CASP8: variants seen among roughly 807,000 people sequenced by gnomAD.
CASP8 encodes the protein caspase 8.
In CASP8, 24 loss-of-function variants were observed where a neutral mutation model predicts 46.3. The ratio of observed to expected loss-of-function variants is 0.52; its 90% CI spans 0.38 to 0.73. CASP8 has a LOEUF of 0.73. CASP8 is among the 30% of genes least tolerant of loss of function. The pLI, the probability that CASP8 is intolerant of heterozygous loss-of-function variation, is 0.00. For missense variants in CASP8, 460 were observed against 559.0 expected (o/e 0.82, Z 1.79); for synonymous variants, 188 against 200.4 (o/e 0.94, Z 0.52).
At chr2:201,240,072 T>A (rs1946239104) in intron 2 of CASP8, among the ~76,000 whole-genome samples, 1 of 152,164 alleles carries the variant, frequency 6.6e-6, no homozygotes, top group South Asian at 2.1e-4. Context: ...ATTTTTAGCA[T>A]GTGGGAGGTA....
At chr2:201,269,565 T>C in intron 2 of CASP8, 1 of 1,613,540 alleles carries the variant, frequency 6.2e-7, no homozygotes, top group Non-Finnish European at 8.5e-7. Flanking sequence ...CCAGACACAG[T>C]CTGTACCTTT....
chr2:201,269,469 G>C (rs1948083073), intron 2 of CASP8: 2 of 1,407,076 alleles, frequency 1.4e-6, no homozygotes, highest in Non-Finnish European at 2.0e-6. Context: ...GGAAAGCCGA[G>C]GGGGGTCTCA....
In CASP8 at chr2:201,272,232, C is replaced by G. The variant is rs1559357298; in HGVS notation, c.412-406C>G. The stretch of plus-strand genomic sequence containing the variant: ...CTGTGTGTGTATGTGCATGTGGTGT[C>G]TGTGTGTGTGTGTCTGTGTGTCTGT... On this transcript the variant is annotated intron_variant, in intron 3 of 8. Transcript: ENST00000673742. The surrounding 1 kb of genome is among the most constrained non-coding windows in gnomAD (Gnocchi z 4.4). Among the ~76,000 whole-genome samples the G allele has an allele frequency of 2.0e-5, 3 of 151,112 alleles. No individual in the cohort carries two copies. The highest frequency in any genetic ancestry group is 6.8e-3 in the Middle Eastern group (2 of 294).
intron 7 of CASP8, among the ~76,000 whole-genome samples, chr2:201,281,140 C>A (rs1948973296): frequency 6.6e-6 from 1 of 151,934 alleles, no homozygotes; most frequent in African/African-American, 2.4e-5. Context: ...ATGGCGAAAC[C>A]CTGTCTCTAC....
intron 2 of CASP8, chr2:201,242,220 G>C (rs1423500741): frequency 6.6e-6 from 1 of 152,194 alleles, no homozygotes; most frequent in Non-Finnish European, 1.5e-5. Flanking sequence ...GAAGAGAAGA[G>C]AGAGCTCAGA....
intron 6 of CASP8, among the ~76,000 whole-genome samples, chr2:201,276,515 T>A (rs1280132364): frequency 6.6e-6 from 1 of 152,190 alleles, no homozygotes; most frequent in Non-Finnish European, 1.5e-5. Flanking sequence ...GTTATGAACC[T>A]CAAGGAGTCT....
chr2:201,252,205 GTTGT>G (rs1326167983), intron 2 of CASP8, among the ~76,000 whole-genome samples: 1 of 152,048 alleles, frequency 6.6e-6, no homozygotes, highest in Admixed American at 6.6e-5. Flanking sequence ...TTTCAATTGG[GTTGT>G]TTGTTTTGTT....
At chr2:201,269,453 G>GAAC (rs1364502055) in intron 2 of CASP8, 3 of 1,242,546 alleles carry the variant, frequency 2.4e-6, no homozygotes, top group Non-Finnish European at 3.5e-6. Context: ...CACAGCCCCA[G>GAAC]AACAAGGAAA....
At chr2:201,240,633 A>T (rs1170182881) in intron 2 of CASP8, 2 of 152,240 alleles carry the variant, frequency 1.3e-5, no homozygotes, top group Non-Finnish European at 2.9e-5. Context: ...CAGACAGAAG[A>T]TTAATAAGGA....
At chr2:201,267,463 G>A (rs1947904805) in intron 2 of CASP8, among the ~76,000 whole-genome samples, 1 of 152,120 alleles carries the variant, frequency 6.6e-6, no homozygotes, top group African/African-American at 2.4e-5. Flanking sequence ...AGGCTGCCCA[G>A]TTCCTGTGAG....
intron 7 of CASP8, among the ~76,000 whole-genome samples, chr2:201,281,370 TTGAG>T (rs1230478828): frequency 5.9e-5 from 9 of 152,140 alleles, no homozygotes; most frequent in Non-Finnish European, 8.8e-5. Context: ...TTGTAAATAA[TTGAG>T]TAAGAGCCCA....
upstream of CASP8, among the ~76,000 whole-genome samples, chr2:201,257,353 G>A (rs1947069978): frequency 6.7e-6 from 1 of 148,978 alleles, no homozygotes; most frequent in Non-Finnish European, 1.5e-5. Flanking sequence ...GTGGTGGTGG[G>A]TGCCTGTAGT....
intron 2 of CASP8, among the ~76,000 whole-genome samples, chr2:201,270,947 G>A (rs1490171482): frequency 6.6e-6 from 1 of 152,196 alleles, no homozygotes; most frequent in Non-Finnish European, 1.5e-5. Context: ...ATGGGCCTCT[G>A]CAGATAGACA....
At chr2:201,245,432 G>T (rs929019061) in intron 2 of CASP8, among the ~76,000 whole-genome samples, 12 of 152,020 alleles carry the variant, frequency 7.9e-5, no homozygotes, top group Non-Finnish European at 1.6e-4. Context: ...GTACAGACAG[G>T]GTTTCACCAT....
chr2:201,250,306 T>C (rs1051373065), intron 2 of CASP8, among the ~76,000 whole-genome samples: 3 of 152,220 alleles, frequency 2.0e-5, no homozygotes, highest in Admixed American at 6.5e-5. Flanking sequence ...ATATTCAATA[T>C]GTCATTGTGT....
rs533077116 is a variant in CASP8, at chr2:201,277,346, G to A, written c.802+378G>A. ...AGGCTGCATTTTTACAGGTTGGGCT[G>A]TTAAGTGCAGCAGAAATTGTGGGTT... On this transcript the variant is annotated intron_variant, in intron 7 of 8. Coordinates refer to ENST00000673742, the MANE Select transcript of CASP8 (RefSeq NM_001372051.1). Among the ~76,000 whole-genome samples the A allele has an allele frequency of 6.6e-5, 10 of 152,270 alleles. No homozygotes were observed. In the South Asian group the frequency reaches 1.7e-3, roughly 25 times the overall value.
rs61995876 is a variant in CASP8, at chr2:201,266,743, T to C, written c.257T>C (p.Met86Thr). 1.2e-6 allele frequency: 2 copies of C among 1,613,726 alleles called. No homozygotes were observed. Among genetic ancestry groups the C allele is most frequent in the African/African-American group, 1.3e-5 (1 of 74,994 alleles). The change falls in exon 2 of 9, where the codon ATG (methionine) becomes ACG (threonine). Residue 86 changes from methionine (M) to threonine (T), a missense_variant. Physicochemically the swap from Met to Thr is moderately conservative, Grantham distance 81. Transcript: ENST00000673742. This position sits in a 1 kb window ranked among gnomAD's most constrained non-coding sequence, Gnocchi z 5.7. The part of the protein sequence containing the change: ...ITYLNTRKEE[M>T]ERELQTPGRA... ...TACCTAAACACTAGAAAGGAGGAGATGGAAAGGGAACTTCAGACACCAGGC... is the reference window on the plus strand; with the variant it reads ...TACCTAAACACTAGAAAGGAGGAGACGGAAAGGGAACTTCAGACACCAGGC...
At chr2:201,256,408 G>A (rs1287425883), upstream of CASP8, among the ~76,000 whole-genome samples, 6 of 152,232 alleles carry the variant, frequency 3.9e-5, no homozygotes, top group Non-Finnish European at 5.9e-5. Context: ...GTGGAAATGA[G>A]CTAGTTTAGG....
chr2:201,253,450 CT>C (rs1436089922), intron 2 of CASP8, among the ~76,000 whole-genome samples: 1 of 151,748 alleles, frequency 6.6e-6, no homozygotes, highest in Non-Finnish European at 1.5e-5. Context: ...TCTTCTACCC[CT>C]GAGACCAAAA....
Sources: allele counts gnomAD v4.1 joint callset (sites outside exome capture counted in the v4.1 genomes callset), GRCh38; gene constraint gnomAD v4.1.1; non-coding constraint Gnocchi (gnomAD v3.1); transcripts MANE v1.5; gene names NCBI Gene and HGNC (gene_info 2026-07-23, HGNC 2026-07-21).